The following HIVEP2 variants were observed in gnomAD, a reference collection of about 807,000 sequenced individuals.
HIVEP2 encodes the protein HIVEP zinc finger 2.
A neutral mutation model predicts 180.7 loss-of-function variants in HIVEP2; 14 were observed. The observed-to-expected ratio is 0.08, with a 90% confidence interval of 0.05 to 0.12. The LOEUF (loss-of-function observed/expected upper bound fraction) is 0.12. HIVEP2 is among the 10% of genes least tolerant of loss of function. HIVEP2 has a pLI of 1.00. For missense variants in HIVEP2, 2,579 were observed against 3,008.5 expected (o/e 0.86, Z 3.34); for synonymous variants, 1,184 against 1,136.4 (o/e 1.04, Z -0.84).
chr6:142,755,144 T>C (rs970145040), intron 9 of HIVEP2, among the ~76,000 whole-genome samples: 1 of 152,206 alleles, frequency 6.6e-6, no homozygotes, highest in Non-Finnish European at 1.5e-5. Flanking sequence ...CTATCTAGAT[T>C]ATGATTTCTG....
At chr6:142,886,815 C>T (rs1275794711) in intron 1 of HIVEP2, among the ~76,000 whole-genome samples, 1 of 152,168 alleles carries the variant, frequency 6.6e-6, no homozygotes, top group Non-Finnish European at 1.5e-5. Flanking sequence ...TAGGGCTTTA[C>T]TCTGGAGGGC....
At chr6:142,893,660 A>C (rs1776914011) in intron 1 of HIVEP2, among the ~76,000 whole-genome samples, 1 of 152,228 alleles carries the variant, frequency 6.6e-6, no homozygotes. Flanking sequence ...AGCCAGAGAA[A>C]TGGCATGAAG....
At chr6:142,870,595 T>C (rs576670366) in intron 1 of HIVEP2, among the ~76,000 whole-genome samples, 202 of 152,276 alleles carry the variant, frequency 1.3e-3, no homozygotes, top group Non-Finnish European at 2.3e-3. Context: ...AATGATACAT[T>C]CCATCACTTT....
At chr6:142,863,078 TGTA>T (rs1465327560) in intron 1 of HIVEP2, among the ~76,000 whole-genome samples, 1 of 144,360 alleles carries the variant, frequency 6.9e-6, no homozygotes, top group Admixed American at 7.1e-5. Flanking sequence ...TGTAATTATA[TGTA>T]ATATATAATT....
intron 2 of HIVEP2, among the ~76,000 whole-genome samples, chr6:142,794,493 G>A (rs1776234456): frequency 1.3e-5 from 2 of 152,158 alleles, no homozygotes; most frequent in South Asian, 4.1e-4. Flanking sequence ...GAGAAGAAGA[G>A]CTTTCGTAAA....
chr6:142,780,123 C>G (rs1009452611), intron 3 of HIVEP2, among the ~76,000 whole-genome samples: 2 of 152,208 alleles, frequency 1.3e-5, no homozygotes, highest in Non-Finnish European at 2.9e-5. Flanking sequence ...AGATTCAAAA[C>G]ATTAACTCAA....
chr6:142,847,482 G>T (rs1562262730), intron 1 of HIVEP2, among the ~76,000 whole-genome samples: 1 of 152,000 alleles, frequency 6.6e-6, no homozygotes, highest in Non-Finnish European at 1.5e-5. Flanking sequence ...ATTTAAAATG[G>T]TCACTGCTGC....
At chr6:142,844,344 T>C (rs1775452672) in intron 1 of HIVEP2, among the ~76,000 whole-genome samples, 1 of 152,210 alleles carries the variant, frequency 6.6e-6, no homozygotes, top group Middle Eastern at 3.4e-3. Context: ...ACTTGCAAGC[T>C]GCAAGAAGGA....
At chr6:142,904,005 T>G (rs556638267) in intron 1 of HIVEP2, among the ~76,000 whole-genome samples, 1 of 152,232 alleles carries the variant, frequency 6.6e-6, no homozygotes, top group Admixed American at 6.5e-5. Context: ...AACACAGCTA[T>G]GCACTGAGGA....
chr6:142,845,390 T>A (rs554346862), intron 1 of HIVEP2, among the ~76,000 whole-genome samples: 1 of 152,270 alleles, frequency 6.6e-6, no homozygotes, highest in Non-Finnish European at 1.5e-5. Context: ...CAACAATAAG[T>A]TCTCTCTCCC....
At chr6:142,899,471 A>C (rs1265468105) in intron 1 of HIVEP2, among the ~76,000 whole-genome samples, 1 of 152,230 alleles carries the variant, frequency 6.6e-6, no homozygotes, top group Non-Finnish European at 1.5e-5. Context: ...CCTTGGGGAC[A>C]CATGCCTGCT....
chr6:142,846,382 G>T (rs911578441), intron 1 of HIVEP2, among the ~76,000 whole-genome samples: 1 of 152,206 alleles, frequency 6.6e-6, no homozygotes, highest in Non-Finnish European at 1.5e-5. Context: ...CCGGCCAGCG[G>T]CCACTGTCTA....
chr6:142,820,485 A>T (rs1187868378), intron 2 of HIVEP2, among the ~76,000 whole-genome samples: 1 of 152,166 alleles, frequency 6.6e-6, no homozygotes, highest in Non-Finnish European at 1.5e-5. Context: ...AGGAGACCCC[A>T]TGAAGTTTGG....
chr6:142,761,147 CA>C, intron 8 of HIVEP2, among the ~76,000 whole-genome samples: 1 of 152,304 alleles, frequency 6.6e-6, no homozygotes. Context: ...AAATGCTTTT[CA>C]AATTCCCCAA....
At chr6:142,793,515 T>G (rs960862655) in intron 2 of HIVEP2, among the ~76,000 whole-genome samples, 1 of 152,120 alleles carries the variant, frequency 6.6e-6, no homozygotes, top group African/African-American at 2.4e-5. Context: ...ATGGGCAGAG[T>G]AAGGTGTCAA....
rs1775576351 is a variant in HIVEP2, at chr6:142,772,538, A to G, written c.2201T>C (p.Met734Thr). The part of the protein sequence containing the change: ...MASDYDPKLQ[M>T]QEGVRSGFAM... ...AAATCCACTCCTGACTCCTTCCTGC[A>G]TCTGCAGTTTGGGGTCATAATCGGA... Residue 734 changes from methionine to threonine, a missense_variant, in exon 5 of 10, where the codon ATG (methionine) becomes ACG (threonine). Coordinates refer to ENST00000367603, the MANE Select transcript of HIVEP2 (RefSeq NM_006734.4). This position sits in a 1 kb window ranked among gnomAD's most constrained non-coding sequence, Gnocchi z 4.9. 6.2e-7 allele frequency: 1 copy of G among 1,614,048 alleles called. No homozygotes were observed. Among genetic ancestry groups the G allele is most frequent in the South Asian group, 1.1e-5 (1 of 91,092 alleles).
At chr6:142,913,088 G>A (rs1224457354) in intron 1 of HIVEP2, among the ~76,000 whole-genome samples, 3 of 152,158 alleles carry the variant, frequency 2.0e-5, no homozygotes, top group Admixed American at 6.5e-5. Context: ...ACAGAGGATG[G>A]CCCCTTACCA....
intron 9 of HIVEP2, among the ~76,000 whole-genome samples, chr6:142,756,987 T>C (rs1025972017): frequency 2.6e-5 from 4 of 152,172 alleles, no homozygotes; most frequent in Non-Finnish European, 4.4e-5. Context: ...GATGTATATA[T>C]AGATGTCTGT....
Position 142,764,865 on chromosome 6 carries a change from T to C in HIVEP2, c.5452A>G (p.Ile1818Val), listed in dbSNP as rs1323905427. The C allele has an allele frequency of 1.2e-6, 2 of 1,614,000 alleles. No homozygotes were observed. Among genetic ancestry groups the C allele is most frequent in the Non-Finnish European group, 1.7e-6 (2 of 1,179,904 alleles). The change falls in exon 7 of 10, where the codon ATC becomes GTC. Residue 1818 changes from isoleucine to valine, a missense_variant. This residue lies in a region of HIVEP2 where 21 missense variants were observed against 86.8 expected (regional missense o/e 0.24). Coordinates refer to ENST00000367603, the MANE Select transcript of HIVEP2 (RefSeq NM_006734.4). ...CKKPSMLKKH[I>V]RTHTDVRPYV... ...GGCCGAACATCAGTATGGGTACGGA[T>C]GTGTTTTTTGAGCATGCTTGGCTTC...
Sources: allele counts gnomAD v4.1 joint callset (sites outside exome capture counted in the v4.1 genomes callset), GRCh38; gene constraint gnomAD v4.1.1; regional missense constraint gnomAD v4.1.1; non-coding constraint Gnocchi (gnomAD v3.1); transcripts MANE v1.5; gene names NCBI Gene and HGNC (gene_info 2026-07-23, HGNC 2026-07-21).